The following TNS3 variants were observed in gnomAD, a reference collection of about 807,000 sequenced individuals.
TNS3 encodes tensin 3.
A neutral mutation model predicts 140.9 loss-of-function variants in TNS3; 45 were observed. That is an observed-to-expected ratio of 0.32 (90% CI 0.25 to 0.41). The LOEUF (loss-of-function observed/expected upper bound fraction) is 0.41. Among genes scored for constraint, TNS3 ranks in the 10% least tolerant of loss-of-function variants. The probability of loss-of-function intolerance (pLI) is 1.00; values close to 1 mark genes in which losing one functional copy is unlikely to be tolerated. For synonymous variants in TNS3, 815 were observed against 788.4 expected, an observed-to-expected ratio of 1.03 and a Z score of -0.56; for missense variants, 1,716 against 1,906.7, an observed-to-expected ratio of 0.90 and a Z score of 1.86.
chr7:47,474,763 AG>A (rs1797116180), intron 4 of TNS3, among the ~76,000 whole-genome samples: 1 of 148,522 alleles, frequency 6.7e-6, no homozygotes. Context: ...CAACACACAA[AG>A]CACAACACAC....
At chr7:47,550,184 G>A (rs571035694) in intron 1 of TNS3, among the ~76,000 whole-genome samples, 3 of 152,256 alleles carry the variant, frequency 2.0e-5, no homozygotes, top group South Asian at 4.2e-4. Context: ...CCCTCACCCT[G>A]CCCTTCACCT....
In TNS3 at chr7:47,400,848, T is replaced by C. The variant is rs1439283119; in HGVS notation, c.790A>G (p.Thr264Ala). ...RDVIFRLQFH[T>A]GAVQGYGLVF... ...AGCCCGTAGCCCTGCACAGCCCCAG[T>C]GTGAAACTGCAGGCGGAAAATGACG... Residue 264 changes from threonine (T) to alanine (A), a missense_variant, in exon 14 of 31, where the codon ACT (threonine) becomes GCT (alanine). This residue lies in a region of TNS3 where 337 missense variants were observed against 428.9 expected (regional missense o/e 0.79). Coordinates refer to ENST00000311160, the MANE Select transcript of TNS3 (RefSeq NM_022748.12). 4 of 1,614,260 alleles carry C rather than the reference T, an allele frequency of 2.5e-6. No homozygotes were observed. The highest frequency in any genetic ancestry group is 1.7e-6 in the Non-Finnish European group (2 of 1,180,038).
At chr7:47,282,075 T>C (rs929270030) in intron 28 of TNS3, among the ~76,000 whole-genome samples, 1 of 151,606 alleles carries the variant, frequency 6.6e-6, no homozygotes, top group Admixed American at 6.6e-5. Flanking sequence ...AAGTCCACCA[T>C]GTAGCTCCGC....
chr7:47,428,286 A>T, intron 9 of TNS3, 26 bp downstream of exon 9: 1 of 1,400,848 alleles, frequency 7.1e-7, no homozygotes, highest in Non-Finnish European at 9.4e-7. Flanking sequence ...GCACCTCAAG[A>T]CAGCGAGCTG....
chr7:47,561,498 A>T (rs1800319243), intron 1 of TNS3, among the ~76,000 whole-genome samples: 1 of 152,108 alleles, frequency 6.6e-6, no homozygotes, highest in Non-Finnish European at 1.5e-5. Context: ...TAGATACCAA[A>T]AAACAATTCA....
At chr7:47,389,122 A>AGCGGAAGCG (rs1455206783) in intron 16 of TNS3, among the ~76,000 whole-genome samples, 1 of 8,396 alleles carries the variant, frequency 1.2e-4, no homozygotes, top group African/African-American at 1.9e-4. Flanking sequence ...AAGAAGAAGA[A>AGCGGAAGCG]GAAGAAGAAG....
upstream of TNS3, chr7:47,582,426 C>G (rs996223924): frequency 2.2e-6 from 1 of 456,446 alleles, no homozygotes; most frequent in Non-Finnish European, 4.4e-6. Flanking sequence ...TGTTAGAGTA[C>G]CTGGGGAGGC....
chr7:47,423,480 A>G (rs528478507), intron 10 of TNS3, among the ~76,000 whole-genome samples: 2 of 152,334 alleles, frequency 1.3e-5, no homozygotes, highest in East Asian at 3.9e-4. Context: ...TCACTTACTG[A>G]GCTCATTCCA....
At chr7:47,459,595 G>C (rs2151680714) in intron 4 of TNS3, among the ~76,000 whole-genome samples, 1 of 152,240 alleles carries the variant, frequency 6.6e-6, no homozygotes, top group South Asian at 2.1e-4. Flanking sequence ...TCCCCCACAA[G>C]AGAACCACGG....
intron 16 of TNS3, among the ~76,000 whole-genome samples, chr7:47,386,776 C>G (rs1792098876): frequency 6.6e-6 from 1 of 152,254 alleles, no homozygotes; most frequent in Admixed American, 6.5e-5. Flanking sequence ...ATAAACTGAG[C>G]AAGTCTGAAG....
chr7:47,373,078 G>T (rs139825213), intron 16 of TNS3, among the ~76,000 whole-genome samples: 7 of 152,290 alleles, frequency 4.6e-5, no homozygotes, highest in African/African-American at 1.4e-4. Flanking sequence ...GCCTCAGGGG[G>T]AGGGAAGGAG....
At chr7:47,533,187 C>T (rs1799478405) in intron 1 of TNS3, among the ~76,000 whole-genome samples, 1 of 126,864 alleles carries the variant, frequency 7.9e-6, no homozygotes, top group Admixed American at 9.3e-5. Context: ...CACTGGAGTA[C>T]AGTGGCGCAA....
chr7:47,480,326 A>G (rs1321062097), intron 4 of TNS3, among the ~76,000 whole-genome samples: 2 of 152,150 alleles, frequency 1.3e-5, no homozygotes. Context: ...TCCCTGCCCC[A>G]CCGGGGAGGC....
intron 20 of TNS3, among the ~76,000 whole-genome samples, chr7:47,308,110 G>A (rs1437691756): frequency 2.6e-5 from 4 of 152,110 alleles, no homozygotes; most frequent in African/African-American, 9.7e-5. Context: ...TCCATTTTCA[G>A]TTAATTTTTA....
In TNS3 at chr7:47,424,111, A is replaced by T; in HGVS notation, c.463T>A (p.Ser155Thr). 1 of 1,614,160 alleles carries T rather than the reference A, an allele frequency of 6.2e-7. No individual in the cohort carries two copies. Among genetic ancestry groups the T allele is most frequent in the Non-Finnish European group, 8.5e-7 (1 of 1,180,028 alleles). The change falls in exon 10 of 31, where the codon TCC becomes ACC. Residue 155 changes from serine to threonine, a missense_variant. This residue lies in a region of TNS3 where 337 missense variants were observed against 428.9 expected (regional missense o/e 0.79). Transcript: ENST00000311160. ...GGGATCTATACATACCGTTTTTGGG[A>T]AGGCTGCATTAAAGCTGAAACTTTG... ...DDKVSALMQP[S>T]QKRYVQFLSG... is the part of the protein sequence containing the mutation.
chr7:47,319,904 G>A (rs760704219), intron 20 of TNS3, among the ~76,000 whole-genome samples: 17 of 152,144 alleles, frequency 1.1e-4, no homozygotes, highest in Non-Finnish European at 1.6e-4. Context: ...CTAACCAGGC[G>A]TTGCCATCTT....
At chr7:47,307,031 T>C (rs956032211) in intron 20 of TNS3, among the ~76,000 whole-genome samples, 5 of 152,220 alleles carry the variant, frequency 3.3e-5, no homozygotes, top group African/African-American at 1.2e-4. Context: ...CCTTTATATA[T>C]TGAGGTATAA....
chr7:47,435,647 G>C (rs1483271280), intron 7 of TNS3, among the ~76,000 whole-genome samples: 1 of 152,140 alleles, frequency 6.6e-6, no homozygotes, highest in African/African-American at 2.4e-5. Flanking sequence ...CTGCAGCTGG[G>C]GTGACAATTC....
intron 25 of TNS3, among the ~76,000 whole-genome samples, chr7:47,293,388 G>A (rs929450807): frequency 1.3e-5 from 2 of 152,184 alleles, no homozygotes; most frequent in Non-Finnish European, 2.9e-5. Flanking sequence ...GCTCTGTTGG[G>A]AGCTCTATGT....
Sources: gnomAD v4.1 joint callset for allele counts (sites outside exome capture counted in the v4.1 genomes callset) on GRCh38, gnomAD v4.1.1 for gene constraint, gnomAD v4.1.1 regional missense constraint, MANE v1.5 for transcripts, NCBI Gene and HGNC (gene_info 2026-07-23, HGNC 2026-07-21) for gene names.